Variants in CHSY1 observed in about 807,000 individuals in gnomAD.
The protein encoded by CHSY1 is chondroitin sulfate synthase 1, also known as N-acetylgalactosaminyl-proteoglycan 3-beta-glucuronosyltransferase 1.
Under a neutral mutation model 59.8 loss-of-function variants are expected in CHSY1, and 13 were observed. That is an observed-to-expected ratio of 0.22 (90% CI 0.14 to 0.35). CHSY1 has a LOEUF of 0.35. CHSY1 is among the 10% of genes least tolerant of loss of function. The probability of loss-of-function intolerance (pLI) is 1.00; values close to 1 mark genes in which losing one functional copy is unlikely to be tolerated. For synonymous variants in CHSY1, 459 were observed against 401.2 expected, an observed-to-expected ratio of 1.14 and a Z score of -1.72; for missense variants, 947 against 1,030.6, an observed-to-expected ratio of 0.92 and a Z score of 1.11.
chr15:101,197,974 G>A (rs979259976), intron 2 of CHSY1, among the ~76,000 whole-genome samples: 12 of 152,174 alleles, frequency 7.9e-5, no homozygotes, highest in African/African-American at 2.9e-4. Flanking sequence ...ACTTTGGGAT[G>A]TAAGGATTTG....
Position 101,205,906 on chromosome 15 carries a change from A to C in CHSY1, c.817-26926T>G, listed in dbSNP as rs371495005. Among the ~76,000 whole-genome samples the C allele has an allele frequency of 4.2e-3, 637 of 152,018 alleles. 5 individuals are homozygous for C. Among genetic ancestry groups the C allele is most frequent in the African/African-American group, 0.014 (601 of 41,462 alleles). The stretch of plus-strand genomic sequence containing the variant: ...GGCGGAGCTTGCAGTGAGCCGAGAT[A>C]GCGCCACTACACTCCAGCCTGGGCG... On this transcript the variant is annotated intron_variant, in intron 2 of 2. Transcript: ENST00000254190.
chr15:101,232,776 C>T (rs185175047), intron 2 of CHSY1, among the ~76,000 whole-genome samples: 14 of 152,328 alleles, frequency 9.2e-5, no homozygotes, highest in Admixed American at 4.6e-4. Flanking sequence ...GAAATACGGG[C>T]CAAGACTACG....
rs1302694638 is a variant in CHSY1 at position 101,235,521 on chromosome 15, T to C, written c.377A>G (p.Asp126Gly). 6.2e-7 allele frequency: 1 copy of C among 1,613,774 alleles called. No homozygotes were observed. Among genetic ancestry groups the C allele is most frequent in the Admixed American group, 1.7e-5 (1 of 60,012 alleles). ...KVQFFSSEGS[D>G]TSVPIPVVPL... is the part of the protein sequence containing the mutation. ...CACTACTGGAATTGGTACAGATGTG[T>C]CAGAACCCTCACTTGAGAAGAACTG... Residue 126 changes from aspartate to glycine, a missense_variant, in exon 2 of 3, where the codon GAC becomes GGC. Transcript: ENST00000254190.
At chr15:101,231,419 G>A (rs1340481615) in intron 2 of CHSY1, among the ~76,000 whole-genome samples, 1 of 152,196 alleles carries the variant, frequency 6.6e-6, no homozygotes, top group Non-Finnish European at 1.5e-5. Context: ...CTAATTCACA[G>A]CGGAAGCCCA....
At chr15:101,221,009 T>C (rs1343871790) in intron 2 of CHSY1, among the ~76,000 whole-genome samples, 1 of 152,168 alleles carries the variant, frequency 6.6e-6, no homozygotes, top group East Asian at 1.9e-4. Flanking sequence ...GTCGGCCGCC[T>C]TATCATGCCT....
chr15:101,232,718 T>C (rs2038903490), intron 2 of CHSY1, among the ~76,000 whole-genome samples: 1 of 152,194 alleles, frequency 6.6e-6, no homozygotes, highest in South Asian at 2.1e-4. Context: ...AAAGATACTC[T>C]ATCCAGAATA....
At chr15:101,217,618 A>C (rs996420907) in intron 2 of CHSY1, among the ~76,000 whole-genome samples, 4 of 152,176 alleles carry the variant, frequency 2.6e-5, no homozygotes, top group African/African-American at 9.7e-5. Context: ...GAAGGGATGG[A>C]GGGAGGGAGG....
intron 2 of CHSY1, among the ~76,000 whole-genome samples, chr15:101,184,224 G>A (rs1198258291): frequency 6.6e-6 from 1 of 152,174 alleles, no homozygotes; most frequent in Non-Finnish European, 1.5e-5. Flanking sequence ...TTCACAGAGT[G>A]TGTGTGCTAA....
chr15:101,199,841 C>T (rs1021191911), intron 2 of CHSY1, among the ~76,000 whole-genome samples: 2 of 152,172 alleles, frequency 1.3e-5, no homozygotes, highest in Non-Finnish European at 2.9e-5. Context: ...AAACTAAAAA[C>T]AGACATAGCA....
intron 2 of CHSY1, among the ~76,000 whole-genome samples, chr15:101,209,883 T>A (rs2038666854): frequency 6.6e-6 from 1 of 152,344 alleles, no homozygotes; most frequent in Admixed American, 6.5e-5. Context: ...GAATGACAAC[T>A]GAAATGGCAA....
At chr15:101,219,276 A>T (rs1378043153) in intron 2 of CHSY1, among the ~76,000 whole-genome samples, 1 of 152,226 alleles carries the variant, frequency 6.6e-6, no homozygotes, top group East Asian at 1.9e-4. Flanking sequence ...TGCCAAGTTA[A>T]GTGTCAGTTA....
Position 101,178,164 on chromosome 15 carries a change from C to T in CHSY1, c.1633G>A (p.Asp545Asn), listed in dbSNP as rs776069033. 3.7e-6 allele frequency: 6 copies of T among 1,614,170 alleles called. No homozygotes were observed. Among genetic ancestry groups the T allele is most frequent in the South Asian group, 3.3e-5 (3 of 91,070 alleles). ...TTTCCCATAAATCTCACAAACATGT[C>T]GAAACGCCCAGACAAAGGAATCAGT... ...NILIPLSGRF[D>N]MFVRFMGNFE... The change falls in exon 3 of 3, where the codon GAC (aspartate) becomes AAC (asparagine). Residue 545 changes from aspartate (D) to asparagine (N), a missense_variant. Physicochemically the swap from Asp to Asn is conservative, Grantham distance 23 (BLOSUM62 1). Coordinates refer to ENST00000254190, the MANE Select transcript of CHSY1 (RefSeq NM_014918.5).
At chr15:101,240,099 ATGT>A (rs769096817) in intron 1 of CHSY1, among the ~76,000 whole-genome samples, 156 of 152,326 alleles carry the variant, frequency 1.0e-3, no homozygotes, top group Non-Finnish European at 1.3e-3. Flanking sequence ...GAAAAACCTC[ATGT>A]TGTCCTTTTC....
At chr15:101,237,849 A>T (rs8038714) in intron 1 of CHSY1, among the ~76,000 whole-genome samples, 4 of 152,116 alleles carry the variant, frequency 2.6e-5, no homozygotes, top group African/African-American at 2.4e-5. Context: ...ATCTTAAAAT[A>T]AAAAAAGCAG....
Position 101,235,317 on chromosome 15 carries a change from A to C in CHSY1, c.581T>G (p.Leu194Arg), listed in dbSNP as rs1322357673. The C allele has an allele frequency of 6.2e-7, 1 of 1,614,156 alleles. No homozygotes were observed. Among genetic ancestry groups the C allele is most frequent in the Non-Finnish European group, 8.5e-7 (1 of 1,180,032 alleles). Residue 194 changes from leucine to arginine, a missense_variant, in exon 2 of 3, where the codon CTC becomes CGC. By Grantham distance (102) the Leu-to-Arg change is moderately radical (BLOSUM62 -2). Around this residue, in one of 4 missense-constraint regions of CHSY1, gnomAD observed 108 missense variants for 144.4 expected, o/e 0.75. Transcript: ENST00000254190. ...FLRSLNSSEP[L>R]FLGQTGLGTT... ...GCCCAGGCCTGTCTGCCCAAGAAAG[A>C]GGGGCTCGCTGCTGTTCAAACTCCT...
At chr15:101,208,469 T>G (rs1263856929) in intron 2 of CHSY1, among the ~76,000 whole-genome samples, 1 of 152,074 alleles carries the variant, frequency 6.6e-6, no homozygotes, top group Admixed American at 6.5e-5. Context: ...TCCCAGCACT[T>G]TGGGAACCCA....
At chr15:101,244,816 A>G (rs1309440031) in intron 1 of CHSY1, among the ~76,000 whole-genome samples, 1 of 152,230 alleles carries the variant, frequency 6.6e-6, no homozygotes, top group Non-Finnish European at 1.5e-5. Flanking sequence ...TGCAGACCAC[A>G]GTATGGATGA....
chr15:101,241,055 G>A (rs534081300), intron 1 of CHSY1, among the ~76,000 whole-genome samples: 18 of 152,272 alleles, frequency 1.2e-4, no homozygotes, highest in South Asian at 2.1e-4. Context: ...AGTATTCACC[G>A]TGGTTATTTT....
intron 2 of CHSY1, among the ~76,000 whole-genome samples, chr15:101,212,787 T>G (rs2038694744): frequency 6.6e-6 from 1 of 152,196 alleles, no homozygotes; most frequent in South Asian, 2.1e-4. Flanking sequence ...TGTAAGTCAA[T>G]ATGCAACTCT....
Sources: gnomAD v4.1 joint callset for allele counts (sites outside exome capture counted in the v4.1 genomes callset) on GRCh38, gnomAD v4.1.1 for gene constraint, gnomAD v4.1.1 regional missense constraint, MANE v1.5 for transcripts, NCBI Gene and HGNC (gene_info 2026-07-23, HGNC 2026-07-21) for gene names.